Variants in SPIC observed in about 807,000 individuals in gnomAD.
The protein encoded by SPIC is Spi-C transcription factor.
Under a neutral mutation model 16.7 loss-of-function variants are expected in SPIC, and 9 were observed. That is an observed-to-expected ratio of 0.54 (90% CI 0.33 to 0.94). The LOEUF is 0.94. Among genes scored for constraint, SPIC ranks in the 40% least tolerant of loss-of-function variants. The pLI is 0.03. For missense variants in SPIC, 241 were observed against 285.8 expected (o/e 0.84, Z 1.13); for synonymous variants, 97 against 102.9 (o/e 0.94, Z 0.35).
rs1873370258 is a variant in SPIC at position 101,486,501 on chromosome 12, C to T, written c.477C>T (p.Gly159=). The change falls in exon 6 of 6, where the codon GGC becomes GGT. Residue 159 remains glycine (G), a synonymous_variant. Transcript: ENST00000551346. ...KLAELWGKRK[G]NRKTMTYQKM... Reference sequence around the variant, plus strand: ...CCGAGCTTTGGGGGAAAAGAAAAGGCAACAGGAAGACCATGACTTACCAGA... The same window carrying T: ...CCGAGCTTTGGGGGAAAAGAAAAGGTAACAGGAAGACCATGACTTACCAGA... 1 of 1,613,974 alleles carries T rather than the reference C, an allele frequency of 6.2e-7. No individual in the cohort carries two copies. Among genetic ancestry groups the T allele is most frequent in the African/African-American group, 1.3e-5 (1 of 74,912 alleles).
intron 3 of SPIC, among the ~76,000 whole-genome samples, chr12:101,479,210 A>AAG (rs1305034340): frequency 3.0e-5 from 4 of 131,232 alleles, no homozygotes; most frequent in Non-Finnish European, 1.6e-5. Flanking sequence ...GAAAGAAAGA[A>AAG]AGAAAGAAAG....
chr12:101,485,520 A>G (rs1006712947), intron 5 of SPIC, among the ~76,000 whole-genome samples: 1 of 152,200 alleles, frequency 6.6e-6, no homozygotes, highest in Non-Finnish European at 1.5e-5. Flanking sequence ...GCATTTCCAT[A>G]TGAGTTTTTC....
intron 4 of SPIC, among the ~76,000 whole-genome samples, chr12:101,480,162 T>C (rs1873142705): frequency 6.6e-6 from 1 of 152,216 alleles, no homozygotes; most frequent in Admixed American, 6.5e-5. Flanking sequence ...AACTTGACAG[T>C]CAACATGGAT....
chr12:101,479,746 C>A, intron 4 of SPIC, 52 bp downstream of exon 4: 1 of 1,366,506 alleles, frequency 7.3e-7, no homozygotes, highest in Non-Finnish European at 1.0e-6. Flanking sequence ...TTCTTGCCAG[C>A]CTTCCATTTC....
intron 4 of SPIC, among the ~76,000 whole-genome samples, chr12:101,480,794 C>T (rs1873162976): frequency 6.6e-6 from 1 of 152,094 alleles, no homozygotes; most frequent in African/African-American, 2.4e-5. Flanking sequence ...CGAGACCAAC[C>T]TGGGCAACAG....
chr12:101,478,426 C>T (rs1873032746), intron 3 of SPIC, among the ~76,000 whole-genome samples: 1 of 152,020 alleles, frequency 6.6e-6, no homozygotes, highest in Non-Finnish European at 1.5e-5. Flanking sequence ...CTCCTGGACT[C>T]AAAAACGAGA....
chr12:101,482,768 CAT>C (rs1399268287), intron 4 of SPIC, 22 bp from the exon 5 acceptor site: 2 of 1,588,980 alleles, frequency 1.3e-6, no homozygotes. Context: ...TCTCACTTAA[CAT>C]CCTGCTTCAT....
At chr12:101,482,054 C>A (rs1333281848) in intron 4 of SPIC, among the ~76,000 whole-genome samples, 1 of 145,850 alleles carries the variant, frequency 6.9e-6, no homozygotes, top group African/African-American at 2.5e-5. Flanking sequence ...ACCAGCCTGG[C>A]CAACATGGAG....
At chr12:101,482,958 C>A in intron 5 of SPIC, 58 bp downstream of exon 5, 1 of 1,424,576 alleles carries the variant, frequency 7.0e-7, no homozygotes, top group Non-Finnish European at 9.7e-7. Context: ...CTCATAGCTG[C>A]TTTAAAGGGA....
chr12:101,479,220 GAAGGAAA>G (rs1873075704), intron 3 of SPIC, among the ~76,000 whole-genome samples: 37 of 84,824 alleles, frequency 4.4e-4, no homozygotes, highest in East Asian at 1.9e-3. Context: ...AAGAAAGAAA[GAAGGAAA>G]GAAAGAAAGA....
chr12:101,485,058 CAAGAT>C (rs1873326440), intron 5 of SPIC, among the ~76,000 whole-genome samples: 1 of 152,068 alleles, frequency 6.6e-6, no homozygotes, highest in Non-Finnish European at 1.5e-5. Flanking sequence ...TTCATAAACT[CAAGAT>C]AATATAATAC....
At chr12:101,476,627 G>T (rs1011621954) in intron 1 of SPIC, among the ~76,000 whole-genome samples, 1 of 151,946 alleles carries the variant, frequency 6.6e-6, no homozygotes, top group Admixed American at 6.6e-5. Flanking sequence ...AATATTTAAA[G>T]CATTTTGTAA....
At chr12:101,484,459 C>A (rs1012191901) in intron 5 of SPIC, among the ~76,000 whole-genome samples, 7 of 151,754 alleles carry the variant, frequency 4.6e-5, no homozygotes, top group Non-Finnish European at 1.0e-4. Context: ...TCACTTGAGT[C>A]CAGGAGGTGG....
chr12:101,481,583 C>T (rs1873199663), intron 4 of SPIC, among the ~76,000 whole-genome samples: 1 of 148,744 alleles, frequency 6.7e-6, no homozygotes, highest in Admixed American at 6.7e-5. Flanking sequence ...GATCTCGGCT[C>T]ACTGCATCCT....
chr12:101,479,818 C>CTT (rs35835395), intron 4 of SPIC, 124 bp downstream of exon 4: 21,300 of 360,868 alleles, frequency 0.059, 392 homozygotes, highest in African/African-American at 0.13. Context: ...TTTTTTCTTT[C>CTT]TTTTTTTTTT....
At chr12:101,483,086 G>GTTTTTTTTTT (rs58442228) in intron 5 of SPIC, among the ~76,000 whole-genome samples, 186 bp downstream of exon 5, 1 of 129,096 alleles carries the variant, frequency 7.7e-6, no homozygotes, top group Non-Finnish European at 1.6e-5. Flanking sequence ...GACTTCCTGT[G>GTTTTTTTTTT]TTTTTTTTTT....
In SPIC at chr12:101,475,359, A is replaced by T. The variant is rs1412874812; in HGVS notation, c.-221A>T. ...TTGATGGTTATGTCTTAACAATTCT[A>T]ATTTTTAAAAAAAATATTACTATTT... On this transcript the variant is annotated 5_prime_UTR_variant, in exon 1 of 6. Coordinates refer to ENST00000551346, the MANE Select transcript of SPIC (RefSeq NM_152323.3). 1 of 152,148 alleles carries T rather than the reference A, an allele frequency of 6.6e-6. No homozygotes were observed. The highest frequency in any genetic ancestry group is 2.4e-5 in the African/African-American group (1 of 41,428). The allele number at this position is 152,148 out of a possible 1,614,324, so 9.4% of individuals were successfully genotyped here.
intron 5 of SPIC, among the ~76,000 whole-genome samples, chr12:101,483,827 G>A (rs1375597173): frequency 2.0e-5 from 3 of 151,702 alleles, no homozygotes; most frequent in African/African-American, 7.3e-5. Context: ...CGAAACCCTG[G>A]CCTCAGGTGA....
At chr12:101,485,764 A>G (rs1873345035) in intron 5 of SPIC, among the ~76,000 whole-genome samples, 1 of 152,064 alleles carries the variant, frequency 6.6e-6, no homozygotes, top group Admixed American at 6.6e-5. Flanking sequence ...ATTTTGCTCA[A>G]TGTTGTTCTG....
Sources: allele counts gnomAD v4.1 joint callset (sites outside exome capture counted in the v4.1 genomes callset), GRCh38; gene constraint gnomAD v4.1.1; transcripts MANE v1.5; gene names NCBI Gene and HGNC (gene_info 2026-07-23, HGNC 2026-07-21).